Variants in USP40 observed in about 807,000 individuals in gnomAD.
The protein encoded by USP40 is ubiquitin carboxyl-terminal hydrolase 40.
USP40 carries 143 observed loss-of-function variants against 166.2 expected under a neutral mutation model. The ratio of observed to expected loss-of-function variants is 0.86; its 90% CI spans 0.75 to 0.99. The LOEUF (loss-of-function observed/expected upper bound fraction) is 0.99, where lower values mean the gene tolerates loss of function less well. Ranked by LOEUF, USP40 falls within the 50% of genes least tolerant of loss-of-function variation. USP40 has a pLI of 0.00. For missense variants in USP40, 1,444 were observed against 1,479.7 expected (o/e 0.98, Z 0.40); for synonymous variants, 498 against 524.0 (o/e 0.95, Z 0.68).
At position 233,527,738 on chromosome 2, in the gene USP40, C is replaced by G. The variant is rs72982327; in HGVS notation, c.1554-160G>C. ...CAATTAGTCACTTTAATTTTTCAGTCAATAGCAAAAATTCAGTTCTGTCAC... is the reference window on the plus strand; with the variant it reads ...CAATTAGTCACTTTAATTTTTCAGTGAATAGCAAAAATTCAGTTCTGTCAC... On this transcript the variant is annotated intron_variant, in intron 12 of 31. Transcript: ENST00000678225. Among the ~76,000 whole-genome samples, 529 of 152,254 alleles carry G rather than the reference C, an allele frequency of 3.5e-3. 1 individual carries two copies. Among genetic ancestry groups the G allele is most frequent in the Non-Finnish European group, 4.5e-3 (307 of 68,018 alleles).
chr2:233,513,227 G>C (rs147524544), intron 18 of USP40, among the ~76,000 whole-genome samples: 15 of 152,228 alleles, frequency 9.9e-5, no homozygotes, highest in African/African-American at 3.6e-4. Flanking sequence ...CCAATATCTA[G>C]AGTCTCTTGA....
rs1356817848 is a variant in USP40, at chr2:233,493,110, C to A, written c.2917+315G>T. ...TGGATGAAGTCTCAATATTCTGGTA[C>A]GTGGTGATAAATGGGGCCCCTGTTG... On this transcript the variant is annotated intron_variant, in intron 25 of 31. Transcript: ENST00000678225. The surrounding 1 kb of genome is among the most constrained non-coding windows in gnomAD (Gnocchi z 4.7). The A allele has an allele frequency of 7.1e-6, 3 of 425,200 alleles. No individual in the cohort carries two copies. The highest frequency in any genetic ancestry group is 1.0e-4 in the South Asian group (2 of 19,314). 26.3% of individuals were successfully genotyped at this position (425,200 alleles called of 1,614,324 possible). A position where few individuals can be genotyped will look rare whatever the true frequency, so the allele number is the denominator to read the frequency against.
rs1374621690 is a variant in USP40, at chr2:233,566,306, T to C, written c.-20+378A>G. On this transcript the variant is annotated intron_variant, in intron 1 of 31. Transcript: ENST00000678225. ...GTTTCACATCGAGTGTGGCGGAGGG[T>C]CACTTGGAGATGAGAAACGTAAAGC... Among the ~76,000 whole-genome samples the C allele has an allele frequency of 3.3e-5, 5 of 152,050 alleles. No individual in the cohort carries two copies. The East Asian group carries it at 9.7e-4, about 29-fold the overall frequency.
chr2:233,520,963 A>G, intron 17 of USP40, 28 bp downstream of exon 17: 2 of 1,589,958 alleles, frequency 1.3e-6, no homozygotes, highest in South Asian at 1.1e-5. Flanking sequence ...AAAATCTATC[A>G]GCCAACCTTT....
At position 233,540,766 on chromosome 2, in the gene USP40, C is replaced by A; in HGVS notation, c.1066G>T (p.Glu356Ter). 6.2e-7 allele frequency: 1 copy of A among 1,610,744 alleles called. No homozygotes were observed. Among genetic ancestry groups the A allele is most frequent in the Non-Finnish European group, 8.5e-7 (1 of 1,177,496 alleles). The change falls in exon 10 of 32, where the codon GAG (glutamate) becomes TAG (stop). Residue 356 changes from glutamate to a stop codon, truncating the protein, a stop_gained. Coordinates refer to ENST00000678225, the MANE Select transcript of USP40 (RefSeq NM_001365479.2). LOFTEE classifies it high-confidence loss of function. The stretch of plus-strand genomic sequence containing the variant: ...TGATCAACAGGAATTAGATTATTCT[C>A]CTCCTTATGAGAGAAACACAGTCAC... ...MILKAILLEE[E>*]NNLIPVDQLG...
intron 10 of USP40, among the ~76,000 whole-genome samples, chr2:233,534,557 G>C (rs928119306): frequency 8.5e-5 from 13 of 152,294 alleles, no homozygotes; most frequent in African/African-American, 2.6e-4. Flanking sequence ...CTCTTGGAAA[G>C]AAAGTAATTT....
At chr2:233,563,448 G>A (rs1019425806) in intron 2 of USP40, among the ~76,000 whole-genome samples, 1 of 152,094 alleles carries the variant, frequency 6.6e-6, no homozygotes, top group African/African-American at 2.4e-5. Context: ...ATACTCTAGG[G>A]ATACAAGGAA....
chr2:233,533,390 T>TC (rs1195719643), intron 11 of USP40, 89 bp downstream of exon 11: 1 of 1,375,442 alleles, frequency 7.3e-7, no homozygotes, highest in African/African-American at 1.5e-5. Flanking sequence ...GTAAACCTTT[T>TC]TTTAAAAGAA....
At chr2:233,498,420 C>T in intron 23 of USP40, 128 bp downstream of exon 23, 1 of 795,522 alleles carries the variant, frequency 1.3e-6, no homozygotes, top group Non-Finnish European at 2.0e-6. Context: ...GTAAAATAGA[C>T]CCATTCATAG....
intron 12 of USP40, among the ~76,000 whole-genome samples, chr2:233,528,364 C>A (rs1421888728): frequency 6.6e-6 from 1 of 152,114 alleles, no homozygotes; most frequent in Non-Finnish European, 1.5e-5. Context: ...CTGGTGTTGG[C>A]TGCTCTTCTC....
intron 2 of USP40, 79 bp downstream of exon 2, chr2:233,565,277 T>C (rs2072036349): frequency 9.4e-7 from 1 of 1,068,572 alleles, no homozygotes; most frequent in South Asian, 1.6e-5. Context: ...ATAATTGGTC[T>C]ATTTGTGATT....
chr2:233,497,828 C>G (rs565955205), intron 23 of USP40, among the ~76,000 whole-genome samples: 1 of 152,348 alleles, frequency 6.6e-6, no homozygotes, highest in East Asian at 1.9e-4. Flanking sequence ...GACTGCTAAA[C>G]AGCAAAGAGC....
Position 233,481,224 on chromosome 2 carries a change from C to T in USP40, c.3578G>A (p.Arg1193Gln), listed in dbSNP as rs368386083. Reference protein sequence around the residue: ...DDTGKEKQKQRALGRRKSQEA... With the variant: ...DDTGKEKQKQQALGRRKSQEA... ...TTACCTTTTCCTTCTCCCCAGGGCC[C>T]GTTGTTTCTGCTTTTCTTTTCCAGT... Residue 1193 changes from arginine to glutamine, a missense_variant, in exon 31 of 32, where the codon CGG becomes CAG. Coordinates refer to ENST00000678225, the MANE Select transcript of USP40 (RefSeq NM_001365479.2). 16 of 1,607,234 alleles carry T rather than the reference C, an allele frequency of 1.0e-5. No homozygotes were observed. In the African/African-American group the frequency reaches 1.1e-4, roughly 11 times the overall value.
chr2:233,502,598 T>C (rs1244508408), intron 21 of USP40, among the ~76,000 whole-genome samples: 1 of 152,104 alleles, frequency 6.6e-6, no homozygotes, highest in Non-Finnish European at 1.5e-5. Flanking sequence ...CCCAGCCCAA[T>C]AGCAAGTGTG....
At chr2:233,556,772 TTG>T in intron 5 of USP40, 81 bp downstream of exon 5, 1 of 1,279,290 alleles carries the variant, frequency 7.8e-7, no homozygotes, top group Admixed American at 3.2e-5. Flanking sequence ...ACTTTAATCC[TTG>T]TGTGGTATAT....
rs1351523843 is a variant in USP40, at chr2:233,543,602, T to TA, written c.967-1240dup. On this transcript the variant is annotated intron_variant, in intron 8 of 31. Transcript: ENST00000678225. ...CTCATGAATGGGAGTAGTGCCTTTA[T>TA]AAAAAAGGCCTGAAGGAGTTTTGTG... Among the ~76,000 whole-genome samples the TA allele has an allele frequency of 2.0e-5, 3 of 152,178 alleles. No homozygotes were observed. The South Asian group carries it at 6.2e-4, about 32-fold the overall frequency.
chr2:233,551,410 G>T lies in USP40; in HGVS notation c.803C>A (p.Pro268His). Residue 268 changes from proline (P) to histidine (H), a missense_variant, in exon 7 of 32, where the codon CCT becomes CAT. By Grantham distance (77) the Pro-to-His change is moderately conservative. Transcript: ENST00000678225. ...RYKETSCYTF[P>H]LRINLKPFCE... The stretch of plus-strand genomic sequence containing the variant: ...AAAGGGCTTGAGATTAATCCGGAGA[G>T]GGAATGTATAACAGCTAGTTTCCTT... 4 of 1,611,604 alleles carry T rather than the reference G, an allele frequency of 2.5e-6. No homozygotes were observed. The highest frequency in any genetic ancestry group is 3.4e-6 in the Non-Finnish European group (4 of 1,179,076).
chr2:233,557,083 C>T (rs1366637029), intron 4 of USP40, 64 bp from the exon 5 acceptor site: 10 of 1,404,512 alleles, frequency 7.1e-6, no homozygotes, highest in Non-Finnish European at 9.7e-6. Flanking sequence ...ATTAAAAAAA[C>T]AAACATTAGT....
At position 233,533,792 on chromosome 2, in the gene USP40, A is replaced by C. The variant is rs201108397; in HGVS notation, c.1171-13T>G. 1.2e-4 allele frequency: 3 copies of C among 25,806 alleles called. No homozygotes were observed. Among genetic ancestry groups the C allele is most frequent in the Admixed American group, 2.1e-3 (1 of 468 alleles). The allele number at this position is 25,806 out of a possible 1,614,324, so 1.6% of individuals were successfully genotyped here. On this transcript the variant is annotated splice_polypyrimidine_tract_variant and intron_variant, in intron 10 of 31. Coordinates refer to ENST00000678225, the MANE Select transcript of USP40 (RefSeq NM_001365479.2). ...GGAGCTGTAAGAACTACACAGAAAC[A>C]AAAAAAAAAATGCTAAGTTAATTAT...
Sources: allele counts gnomAD v4.1 joint callset (sites outside exome capture counted in the v4.1 genomes callset), GRCh38; gene constraint gnomAD v4.1.1; non-coding constraint Gnocchi (gnomAD v3.1); transcripts MANE v1.5; gene names NCBI Gene and HGNC (gene_info 2026-07-23, HGNC 2026-07-21).